The following PCDHA11 variants were observed in gnomAD, a reference collection of about 807,000 sequenced individuals.
PCDHA11 encodes the protein protocadherin alpha 11, also known as protocadherin alpha-11.
PCDHA11 carries 61 observed loss-of-function variants against 70.3 expected under a neutral mutation model. The observed-to-expected ratio is 0.87, with a 90% CI of 0.71 to 1.07. PCDHA11 has a LOEUF of 1.07. Among genes scored for constraint, PCDHA11 ranks in the 50% least tolerant of loss-of-function variants. The pLI, the probability that PCDHA11 is intolerant of heterozygous loss-of-function variation, is 0.00. For synonymous variants in PCDHA11, 633 were observed against 555.1 expected (o/e 1.14, Z -1.97); for missense variants, 1,324 against 1,237.5 (o/e 1.07, Z -1.05).
chr5:140,873,441 TAAC>T (rs1439420468), intron 1 of PCDHA11, among the ~76,000 whole-genome samples: 3 of 152,200 alleles, frequency 2.0e-5, no homozygotes, highest in Non-Finnish European at 2.9e-5. Context: ...ATCACATAAA[TAAC>T]AAATTTGCAT....
intron 1 of PCDHA11, chr5:140,876,978 C>T (rs1206745884): frequency 1.2e-5 from 20 of 1,612,518 alleles, no homozygotes; most frequent in African/African-American, 6.7e-5. Flanking sequence ...TGGGCGAGCA[C>T]GCACTGTCGA....
intron 3 of PCDHA11, among the ~76,000 whole-genome samples, chr5:140,991,358 A>G (rs1417256360): frequency 6.6e-6 from 1 of 152,234 alleles, no homozygotes; most frequent in African/African-American, 2.4e-5. Context: ...AAGACTATTT[A>G]CTGTCTGAGT....
chr5:140,967,367 C>A (rs1390450808), intron 1 of PCDHA11: 1 of 1,607,250 alleles, frequency 6.2e-7, no homozygotes, highest in Non-Finnish European at 8.5e-7. Flanking sequence ...TAAGCCCCTG[C>A]AGGAGAACAG....
intron 1 of PCDHA11, chr5:140,927,681 G>A: frequency 6.2e-7 from 1 of 1,614,180 alleles, no homozygotes; most frequent in Non-Finnish European, 8.5e-7. Flanking sequence ...CAGATGAAGG[G>A]TCCAATGGGG....
At chr5:140,926,685 A>C in intron 1 of PCDHA11, 1 of 665,408 alleles carries the variant, frequency 1.5e-6, no homozygotes, top group Non-Finnish European at 2.3e-6. Context: ...CCTCCAGCCT[A>C]GCAAGCCCGG....
chr5:140,960,892 G>A (rs1401042931), intron 1 of PCDHA11, among the ~76,000 whole-genome samples: 1 of 152,126 alleles, frequency 6.6e-6, no homozygotes, highest in East Asian at 1.9e-4. Flanking sequence ...AATGAATTTG[G>A]GGCATATCTT....
At chr5:140,971,641 C>T (rs1554233513) in intron 1 of PCDHA11, among the ~76,000 whole-genome samples, 1 of 152,078 alleles carries the variant, frequency 6.6e-6, no homozygotes, top group African/African-American at 2.4e-5. Context: ...CATGTGCCTA[C>T]ATTAAAAGTA....
Position 140,877,150 on chromosome 5 carries a change from G to C in PCDHA11, c.2391+5656G>C, listed in dbSNP as rs370292278. On this transcript the variant is annotated intron_variant, in intron 1 of 3. Transcript: ENST00000398640. ...GCAGGTGTTCGTGCTGGACGAGAAC[G>C]ACAACGCGCCGGCACTGCTGGCGAC... 1 of 1,613,790 alleles carries C rather than the reference G, an allele frequency of 6.2e-7. No individual in the cohort carries two copies. The highest frequency in any genetic ancestry group is 2.2e-5 in the East Asian group (1 of 44,870).
rs1311209449 is a variant in PCDHA11, at chr5:141,010,944, A to G, written c.*1007A>G. On this transcript the variant is annotated 3_prime_UTR_variant, in exon 4 of 4. Transcript: ENST00000398640. ...GAGAATTCAGTCTACAGCCATTTAA[A>G]TGATCATTGCTGCTACAGAAGTGCT... 6.5e-6 allele frequency: 1 copy of G among 153,776 alleles called. No individual in the cohort carries two copies. The highest frequency in any genetic ancestry group is 2.4e-5 in the African/African-American group (1 of 41,450). 9.5% of individuals were successfully genotyped at this position (153,776 alleles called of 1,614,324 possible).
At chr5:140,920,501 A>G (rs1404369467) in intron 1 of PCDHA11, among the ~76,000 whole-genome samples, 1 of 152,194 alleles carries the variant, frequency 6.6e-6, no homozygotes, top group Non-Finnish European at 1.5e-5. Context: ...AGAGTTCTAC[A>G]TACTGTTTTA....
chr5:140,927,460 G>A, intron 1 of PCDHA11: 2 of 1,614,148 alleles, frequency 1.2e-6, no homozygotes, highest in South Asian at 1.1e-5. Context: ...GTTGGAGAAA[G>A]CACTGGATCG....
intron 3 of PCDHA11, 29 bp from the exon 4 acceptor site, chr5:141,009,598 T>C: frequency 6.2e-7 from 1 of 1,606,306 alleles, no homozygotes; most frequent in Non-Finnish European, 8.5e-7. Flanking sequence ...GTTGACCCTG[T>C]TAATGATTTG....
chr5:140,877,027 G>T lies in PCDHA11; in HGVS notation c.2391+5533G>T, dbSNP rs376609696. 1.3e-4 allele frequency: 211 copies of T among 1,612,282 alleles called. No individual in the cohort carries two copies. Among genetic ancestry groups the T allele is most frequent in the Admixed American group, 2.7e-4 (16 of 60,002 alleles). On this transcript the variant is annotated intron_variant, in intron 1 of 3. Coordinates refer to ENST00000398640, the MANE Select transcript of PCDHA11 (RefSeq NM_018902.5). ...GCACGCGGAGAGCGGCAAGGTGTAC[G>T]CGCTGCAGCCGCTAGACCACGAGGA...
intron 1 of PCDHA11, among the ~76,000 whole-genome samples, chr5:140,914,813 C>T (rs1346638828): frequency 6.6e-6 from 1 of 152,070 alleles, no homozygotes; most frequent in Non-Finnish European, 1.5e-5. Flanking sequence ...GGCAACTTAA[C>T]AGACTGCATA....
chr5:140,899,005 G>A (rs1220603725), intron 1 of PCDHA11, among the ~76,000 whole-genome samples: 1 of 151,848 alleles, frequency 6.6e-6, no homozygotes, highest in Non-Finnish European at 1.5e-5. Context: ...TGTTATTGGT[G>A]TATAAGAATG....
At position 140,927,553 on chromosome 5, in the gene PCDHA11, A is replaced by G. The variant is rs782577411; in HGVS notation, c.2392-51396A>G. 1.3e-5 allele frequency: 21 copies of G among 1,614,030 alleles called. No homozygotes were observed. The highest frequency in any genetic ancestry group is 9.3e-5 in the African/African-American group (7 of 74,932). ...CCGCTCAGGAGACGCACAAGTCACC[A>G]TCATTGTGGTGGACACAAATGACAA... On this transcript the variant is annotated intron_variant, in intron 1 of 3. Coordinates refer to ENST00000398640, the MANE Select transcript of PCDHA11 (RefSeq NM_018902.5).
rs1554164626 is a variant in PCDHA11 at position 140,870,710 on chromosome 5, CGCGCGATGCGG to C, written c.1611_1621del (p.Asp538AlafsTer36). 1.2e-6 allele frequency: 2 copies of C among 1,612,974 alleles called. No homozygotes were observed. Among genetic ancestry groups the C allele is most frequent in the African/African-American group, 2.7e-5 (2 of 74,916 alleles). ...GAGCTGCTACAGTTCCAGGTGAGCGCGCGCGATGCGGGCGTGCCGCCTCTGAGCAGCAACGT... is the reference window on the plus strand; with the variant it reads ...GAGCTGCTACAGTTCCAGGTGAGCGCGCGTGCCGCCTCTGAGCAGCAACGT... On this transcript the variant is annotated frameshift_variant, in exon 1 of 4. Transcript: ENST00000398640. LOFTEE classifies it high-confidence loss of function.
chr5:140,994,665 A>G (rs555985538), intron 3 of PCDHA11, among the ~76,000 whole-genome samples: 1 of 152,294 alleles, frequency 6.6e-6, no homozygotes, highest in East Asian at 1.9e-4. Flanking sequence ...AGATCACACT[A>G]CTGCACTCCA....
At chr5:140,931,269 C>T (rs1253190149) in intron 1 of PCDHA11, among the ~76,000 whole-genome samples, 1 of 152,006 alleles carries the variant, frequency 6.6e-6, no homozygotes, top group Non-Finnish European at 1.5e-5. Context: ...CTATTTATTT[C>T]TTTTATTTTC....
Sources: allele counts gnomAD v4.1 joint callset (sites outside exome capture counted in the v4.1 genomes callset), GRCh38; gene constraint gnomAD v4.1.1; transcripts MANE v1.5; gene names NCBI Gene and HGNC (gene_info 2026-07-23, HGNC 2026-07-21).